The following GNAQ variants were observed in gnomAD, a reference collection of about 807,000 sequenced individuals.
The protein encoded by GNAQ is G protein subunit alpha q.
Under a neutral mutation model 43.9 loss-of-function variants are expected in GNAQ, and 8 were observed. That is an observed-to-expected ratio of 0.18 (90% CI 0.11 to 0.33). GNAQ has a LOEUF of 0.33. GNAQ is among the 10% of genes least tolerant of loss of function. The pLI, the probability that GNAQ is intolerant of heterozygous loss-of-function variation, is 1.00. For missense variants in GNAQ, 158 were observed against 450.8 expected, an observed-to-expected ratio of 0.35 and a Z score of 5.88; for synonymous variants, 155 against 170.7, an observed-to-expected ratio of 0.91 and a Z score of 0.71.
chr9:77,787,832 C>A (rs1380499558), intron 5 of GNAQ, among the ~76,000 whole-genome samples: 1 of 152,162 alleles, frequency 6.6e-6, no homozygotes, highest in Non-Finnish European at 1.5e-5. Flanking sequence ...GTGTTCAAGA[C>A]CAGCCTGGCC....
chr9:77,795,830 G>A (rs572587899), intron 4 of GNAQ, among the ~76,000 whole-genome samples: 1 of 152,290 alleles, frequency 6.6e-6, no homozygotes, highest in African/African-American at 2.4e-5. Context: ...TCTGATGGTG[G>A]TGGAAAATTA....
intron 1 of GNAQ, among the ~76,000 whole-genome samples, chr9:77,965,579 T>A (rs1823156245): frequency 6.6e-6 from 1 of 152,126 alleles, no homozygotes; most frequent in Non-Finnish European, 1.5e-5. Context: ...GTTATACAGA[T>A]GGCAAAGCAC....
At chr9:77,936,321 C>T (rs1829231197) in intron 1 of GNAQ, among the ~76,000 whole-genome samples, 1 of 152,120 alleles carries the variant, frequency 6.6e-6, no homozygotes, top group Admixed American at 6.5e-5. Context: ...GGCCTCATGA[C>T]CCAACAAATG....
intron 1 of GNAQ, among the ~76,000 whole-genome samples, chr9:78,027,605 G>A (rs56167215): frequency 6.6e-6 from 1 of 152,006 alleles, no homozygotes; most frequent in African/African-American, 2.4e-5. Flanking sequence ...AAAAAAAATA[G>A]CCGGGCGTGG....
chr9:77,836,498 G>A (rs114633057), intron 2 of GNAQ, among the ~76,000 whole-genome samples: 4 of 151,966 alleles, frequency 2.6e-5, no homozygotes, highest in African/African-American at 7.3e-5. Context: ...CAAACCTCTA[G>A]GCATAAAAGC....
chr9:77,959,642 C>A lies in GNAQ; in HGVS notation c.137-37297G>T, dbSNP rs141142820. 7.0e-4 allele frequency among the ~76,000 whole-genome samples: 106 copies of A among 152,284 alleles called. No individual in the cohort carries two copies. The Middle Eastern group carries it at 0.01, about 15-fold the overall frequency. ...TAGCACAGTATATTTTGTTCACTCA[C>A]TGTTTTATTCCTTCAATTATTTTTA... On this transcript the variant is annotated intron_variant, in intron 1 of 6. Coordinates refer to ENST00000286548, the MANE Select transcript of GNAQ (RefSeq NM_002072.5).
intron 5 of GNAQ, among the ~76,000 whole-genome samples, chr9:77,742,370 A>G (rs1825666248): frequency 6.6e-6 from 1 of 152,210 alleles, no homozygotes; most frequent in Non-Finnish European, 1.5e-5. Context: ...TTTTTGACAA[A>G]AAGTATTAAT....
At chr9:77,832,238 T>C (rs1369762034) in intron 2 of GNAQ, among the ~76,000 whole-genome samples, 2 of 152,150 alleles carry the variant, frequency 1.3e-5, no homozygotes, top group Admixed American at 1.3e-4. Flanking sequence ...AAAAAGTAAA[T>C]CCAGGCTAAG....
chr9:77,873,860 C>T (rs1828081691), intron 2 of GNAQ, among the ~76,000 whole-genome samples: 1 of 152,092 alleles, frequency 6.6e-6, no homozygotes, highest in African/African-American at 2.4e-5. Context: ...AATCCCAGCA[C>T]TTTGGGAGGC....
intron 3 of GNAQ, among the ~76,000 whole-genome samples, chr9:77,799,740 C>CA (rs537915689): frequency 2.0e-5 from 3 of 152,010 alleles, no homozygotes; most frequent in Non-Finnish European, 4.4e-5. Flanking sequence ...TTCTTTAAGA[C>CA]AAAAAAAGTA....
chr9:77,772,322 C>T (rs966644644), intron 5 of GNAQ, among the ~76,000 whole-genome samples: 1 of 152,072 alleles, frequency 6.6e-6, no homozygotes, highest in Non-Finnish European at 1.5e-5. Flanking sequence ...ATTCACTGCC[C>T]AATAATGGTC....
At chr9:77,895,723 T>A (rs1316001180) in intron 2 of GNAQ, among the ~76,000 whole-genome samples, 1 of 152,196 alleles carries the variant, frequency 6.6e-6, no homozygotes, top group East Asian at 1.9e-4. Flanking sequence ...GATCCCATAA[T>A]TCCCATGTGT....
chr9:77,927,430 T>C (rs932045693), intron 1 of GNAQ, among the ~76,000 whole-genome samples: 1 of 152,150 alleles, frequency 6.6e-6, no homozygotes, highest in African/African-American at 2.4e-5. Context: ...TACAGAAGCA[T>C]TGCTCAATGC....
chr9:77,938,767 G>A (rs887471207), intron 1 of GNAQ, among the ~76,000 whole-genome samples: 10 of 152,184 alleles, frequency 6.6e-5, no homozygotes, highest in South Asian at 6.2e-4. Context: ...GCTGTGTTAC[G>A]TTGTCAAACG....
At chr9:77,962,302 A>G (rs1263536090) in intron 1 of GNAQ, among the ~76,000 whole-genome samples, 2 of 152,124 alleles carry the variant, frequency 1.3e-5, no homozygotes, top group East Asian at 3.9e-4. Context: ...AATGAAAACT[A>G]TAACACTATT....
intron 3 of GNAQ, among the ~76,000 whole-genome samples, chr9:77,815,221 T>C (rs1478891871): frequency 1.3e-5 from 2 of 152,232 alleles, no homozygotes; most frequent in South Asian, 2.1e-4. Context: ...CAGTTTCTAA[T>C]GTGTGTAGGT....
At chr9:77,930,304 T>C (rs2118303334) in intron 1 of GNAQ, among the ~76,000 whole-genome samples, 1 of 152,348 alleles carries the variant, frequency 6.6e-6, no homozygotes, top group Non-Finnish European at 1.5e-5. Context: ...ACTTTTCTTG[T>C]CCATTTCTAT....
chr9:77,860,983 A>G (rs1444801380), intron 2 of GNAQ, among the ~76,000 whole-genome samples: 1 of 152,194 alleles, frequency 6.6e-6, no homozygotes, highest in Non-Finnish European at 1.5e-5. Context: ...AGAATACCCG[A>G]GGCTGGATGT....
At chr9:77,971,104 A>G (rs1235955232) in intron 1 of GNAQ, among the ~76,000 whole-genome samples, 2 of 152,030 alleles carry the variant, frequency 1.3e-5, no homozygotes, top group Non-Finnish European at 2.9e-5. Context: ...TGAATAGACC[A>G]ATAACAGGTT....
Sources: gnomAD v4.1 joint callset for allele counts (sites outside exome capture counted in the v4.1 genomes callset) on GRCh38, gnomAD v4.1.1 for gene constraint, MANE v1.5 for transcripts, NCBI Gene and HGNC (gene_info 2026-07-23, HGNC 2026-07-21) for gene names.